Variants in COL24A1 observed in about 807,000 individuals in gnomAD.
COL24A1 encodes the protein collagen alpha-1(XXIV) chain.
COL24A1 carries 224 observed loss-of-function variants against 253.9 expected under a neutral mutation model. That is an observed-to-expected ratio of 0.88 (90% CI 0.79 to 0.99). COL24A1 has a LOEUF of 0.99. COL24A1 is among the 50% of genes least tolerant of loss of function. The pLI is 0.00. For missense variants in COL24A1, 2,131 were observed against 2,068.5 expected (o/e 1.03, Z -0.59); for synonymous variants, 685 against 673.7 (o/e 1.02, Z -0.26).
chr1:85,984,381 T>C (rs1003407738), intron 20 of COL24A1, among the ~76,000 whole-genome samples: 2 of 151,854 alleles, frequency 1.3e-5, no homozygotes, highest in Non-Finnish European at 3.0e-5. Context: ...CTCTTTTATA[T>C]AGAACTTCTT....
chr1:86,001,017 A>C (rs573087261), intron 19 of COL24A1, among the ~76,000 whole-genome samples: 81 of 152,338 alleles, frequency 5.3e-4, no homozygotes, highest in South Asian at 4.1e-3. Context: ...ATATGTTTTT[A>C]TTAAAAGCAG....
chr1:85,833,645 T>G (rs1201115726), intron 43 of COL24A1, among the ~76,000 whole-genome samples: 1 of 152,316 alleles, frequency 6.6e-6, no homozygotes, highest in South Asian at 2.1e-4. Context: ...TAAATCATGT[T>G]GCTATAAAGA....
intron 28 of COL24A1, among the ~76,000 whole-genome samples, chr1:85,901,427 A>G (rs1684280076): frequency 6.6e-6 from 1 of 152,134 alleles, no homozygotes; most frequent in African/African-American, 2.4e-5. Flanking sequence ...ATGCACAGCA[A>G]AGGGAACTCT....
chr1:85,989,770 A>G (rs9988528), intron 19 of COL24A1, among the ~76,000 whole-genome samples: 3,918 of 152,242 alleles, frequency 0.026, 146 homozygotes, highest in African/African-American at 0.079. Context: ...GCTTTTGCAT[A>G]TACTGTTTCC....
chr1:85,864,913 AC>A (rs1215244559), intron 37 of COL24A1, among the ~76,000 whole-genome samples: 1 of 152,170 alleles, frequency 6.6e-6, no homozygotes, highest in East Asian at 1.9e-4. Flanking sequence ...TAGATAACAG[AC>A]CGTAAGTCAG....
intron 24 of COL24A1, among the ~76,000 whole-genome samples, chr1:85,954,342 A>T (rs1014887624): frequency 6.6e-6 from 1 of 152,198 alleles, no homozygotes; most frequent in African/African-American, 2.4e-5. Context: ...TTCATGCAGT[A>T]ATAACAGGAT....
chr1:85,972,627 TC>T (rs1692285681), intron 20 of COL24A1, among the ~76,000 whole-genome samples: 1 of 151,452 alleles, frequency 6.6e-6, no homozygotes, highest in African/African-American at 2.4e-5. Context: ...GGAAAAACTC[TC>T]TTCACTTTTA....
Position 85,868,612 on chromosome 1 carries a change from T to C in COL24A1, c.3207A>G (p.Gly1069=). 1 of 1,613,484 alleles carries C rather than the reference T, an allele frequency of 6.2e-7. No individual in the cohort carries two copies. Among genetic ancestry groups the C allele is most frequent in the African/African-American group, 1.3e-5 (1 of 75,016 alleles). ...GKDGLKGVPG[G]RGLPGEDGEK... ...CTCCATCCTCTCCAGGAAGTCCCCT[T>C]CCTCCTGGTACTCCCTGTAATGCAA... The change falls in exon 37 of 60, where the codon GGA becomes GGG. Residue 1069 remains glycine, a synonymous_variant. Coordinates refer to ENST00000370571, the MANE Select transcript of COL24A1 (RefSeq NM_152890.7).
chr1:85,810,440 C>T (rs1315746392), intron 47 of COL24A1, among the ~76,000 whole-genome samples: 1 of 152,144 alleles, frequency 6.6e-6, no homozygotes, highest in African/African-American at 2.4e-5. Flanking sequence ...GCTACTCTGC[C>T]TATGGGGTAG....
chr1:85,971,443 A>T, intron 20 of COL24A1, 50 bp from the exon 21 acceptor site: 1 of 1,405,214 alleles, frequency 7.1e-7, no homozygotes, highest in Non-Finnish European at 1.0e-6. Context: ...ATCAACTGAC[A>T]TTTTGATAAA....
At chr1:86,008,392 A>G (rs1696163718) in intron 19 of COL24A1, among the ~76,000 whole-genome samples, 1 of 152,026 alleles carries the variant, frequency 6.6e-6, no homozygotes, top group Non-Finnish European at 1.5e-5. Flanking sequence ...CTATAAATGC[A>G]CACCACCATG....
chr1:86,066,556 G>T (rs114725428), intron 7 of COL24A1, among the ~76,000 whole-genome samples: 229 of 151,848 alleles, frequency 1.5e-3, no homozygotes, highest in South Asian at 2.7e-3. Context: ...AATATCCTAA[G>T]TCCCCTTTCT....
chr1:85,864,442 A>C (rs1679550202), intron 37 of COL24A1, among the ~76,000 whole-genome samples: 1 of 152,034 alleles, frequency 6.6e-6, no homozygotes, highest in African/African-American at 2.4e-5. Context: ...ATCTAATGTA[A>C]ATGACTAGTT....
intron 24 of COL24A1, among the ~76,000 whole-genome samples, chr1:85,954,409 C>A (rs1350059444): frequency 6.6e-6 from 1 of 152,142 alleles, no homozygotes; most frequent in African/African-American, 2.4e-5. Context: ...TAAGAGGAAG[C>A]AGGATGATGG....
At chr1:85,816,706 A>G in intron 47 of COL24A1, 82 bp downstream of exon 47, 7 of 1,225,682 alleles carry the variant, frequency 5.7e-6, no homozygotes, top group Non-Finnish European at 8.4e-6. Context: ...CAAAGCTAAA[A>G]TAGATAGCCA....
chr1:86,122,007 A>G (rs1261332883), intron 3 of COL24A1, among the ~76,000 whole-genome samples: 1 of 152,114 alleles, frequency 6.6e-6, no homozygotes, highest in Non-Finnish European at 1.5e-5. Context: ...TCTGAGTCAC[A>G]TCTACTTCAA....
chr1:85,846,320 T>C (rs897951406), intron 39 of COL24A1, among the ~76,000 whole-genome samples: 2 of 151,812 alleles, frequency 1.3e-5, no homozygotes, highest in Admixed American at 6.6e-5. Context: ...AATATTCTTA[T>C]ATACTTTAGG....
At position 86,125,262 on chromosome 1, in the gene COL24A1, C is replaced by T. The variant is rs373352067; in HGVS notation, c.1074G>A (p.Glu358=). Residue 358 remains glutamate, a synonymous_variant, in exon 3 of 60, where the codon GAG becomes GAA. Coordinates refer to ENST00000370571, the MANE Select transcript of COL24A1 (RefSeq NM_152890.7). ...SLSVTTHRIS[E]AKMNTKEKFS... is the part of the protein sequence containing the mutation. ...ATTTCTCTTTGGTATTCATTTTTGC[C>T]TCACTGATGCGATGAGTGGTCACTG... 2.3e-4 allele frequency: 372 copies of T among 1,613,326 alleles called. 1 individual carries two copies. Among genetic ancestry groups the T allele is most frequent in the Non-Finnish European group, 2.9e-4 (344 of 1,179,768 alleles).
rs558918532 is a variant in COL24A1 at position 85,915,983 on chromosome 1, C to T, written c.2563-4550G>A. 1.1e-3 allele frequency among the ~76,000 whole-genome samples: 174 copies of T among 152,196 alleles called. 1 individual carries two copies. The highest frequency in any genetic ancestry group is 3.8e-3 in the African/African-American group (159 of 41,536). The stretch of plus-strand genomic sequence containing the variant: ...AATGCAGTAGGCTCGTTTAGCTTAT[C>T]CCATGTGCACCAGAACAATATAACC... On this transcript the variant is annotated intron_variant, in intron 24 of 59. Coordinates refer to ENST00000370571, the MANE Select transcript of COL24A1 (RefSeq NM_152890.7).
Sources: allele counts gnomAD v4.1 joint callset (sites outside exome capture counted in the v4.1 genomes callset), GRCh38; gene constraint gnomAD v4.1.1; transcripts MANE v1.5; gene names NCBI Gene and HGNC (gene_info 2026-07-23, HGNC 2026-07-21).